Variants in ANKFN1 observed in about 807,000 individuals in gnomAD.
ANKFN1 encodes the protein ankyrin repeat and fibronectin type III domain containing 1, also known as ankyrin repeat and fibronectin type-III domain-containing protein 1.
Under a neutral mutation model 108.7 loss-of-function variants are expected in ANKFN1, and 74 were observed. That is an observed-to-expected ratio of 0.68 (90% confidence interval 0.56 to 0.83). ANKFN1 has a LOEUF of 0.83. ANKFN1 is among the 40% of genes least tolerant of loss of function. The pLI is 0.00. For synonymous variants in ANKFN1, 547 were observed against 516.2 expected (o/e 1.06, Z -0.81); for missense variants, 1,505 against 1,382.3 (o/e 1.09, Z -1.41).
At chr17:56,387,399 T>C (rs1158315069) in intron 8 of ANKFN1, among the ~76,000 whole-genome samples, 3 of 152,232 alleles carry the variant, frequency 2.0e-5, no homozygotes, top group African/African-American at 7.2e-5. Flanking sequence ...TTCACTTCCA[T>C]GTTAATCCAA....
At chr17:56,168,710 A>C (rs958552806) in intron 1 of ANKFN1, among the ~76,000 whole-genome samples, 4 of 152,184 alleles carry the variant, frequency 2.6e-5, no homozygotes, top group African/African-American at 9.7e-5. Context: ...TTTAGAATTC[A>C]CACAACTTAT....
chr17:56,260,832 G>T (rs2043491992), intron 3 of ANKFN1, among the ~76,000 whole-genome samples: 1 of 152,158 alleles, frequency 6.6e-6, no homozygotes, highest in Admixed American at 6.5e-5. Flanking sequence ...GATGTCACCT[G>T]CTTAGTGCCT....
At chr17:56,497,546 A>G (rs1011050459) in intron 19 of ANKFN1, among the ~76,000 whole-genome samples, 1 of 152,130 alleles carries the variant, frequency 6.6e-6, no homozygotes, top group African/African-American at 2.4e-5. Context: ...GGATATTCTT[A>G]ATGAGTAGGT....
At chr17:56,431,267 A>G (rs1288305994) in intron 8 of ANKFN1, among the ~76,000 whole-genome samples, 1 of 152,214 alleles carries the variant, frequency 6.6e-6, no homozygotes, top group African/African-American at 2.4e-5. Context: ...TTACTAAATT[A>G]CTGACCTAGC....
At chr17:56,317,022 G>A (rs1015737449) in intron 3 of ANKFN1, among the ~76,000 whole-genome samples, 2 of 152,190 alleles carry the variant, frequency 1.3e-5, no homozygotes, top group Admixed American at 6.5e-5. Flanking sequence ...TCTCTGGAAA[G>A]AGAGATCACA....
intron 4 of ANKFN1, among the ~76,000 whole-genome samples, chr17:56,104,659 G>T (rs1439274364): frequency 1.3e-5 from 2 of 152,178 alleles, no homozygotes; most frequent in African/African-American, 2.4e-5. Context: ...CAGGTGATTT[G>T]CATGACAAAT....
intron 4 of ANKFN1, among the ~76,000 whole-genome samples, chr17:56,349,584 A>G (rs894301009): frequency 6.6e-6 from 1 of 152,070 alleles, no homozygotes; most frequent in African/African-American, 2.4e-5. Flanking sequence ...GCACTCATTT[A>G]TTCTAAATTA....
intron 4 of ANKFN1, among the ~76,000 whole-genome samples, chr17:56,053,592 G>T (rs1904815444): frequency 6.6e-6 from 1 of 152,128 alleles, no homozygotes; most frequent in African/African-American, 2.4e-5. Context: ...CTTGGCTATT[G>T]TGAACAGAGC....
chr17:56,499,049 T>G lies in ANKFN1; in HGVS notation c.2595T>G (p.Leu865=). 1 of 1,535,634 alleles carries G rather than the reference T, an allele frequency of 6.5e-7. No homozygotes were observed. The highest frequency in any genetic ancestry group is 1.2e-5 in the South Asian group (1 of 84,040). Residue 865 remains leucine (L), a synonymous_variant, in exon 20 of 21, where the codon CTT becomes CTG. Transcript: ENST00000682825. ...NSTSSSHIDC[L]PSPPPSPEMH... ...CATCATCATCACATATAGACTGTCT[T>G]CCATCCCCACCCCCATCCCCAGAGA...
intron 8 of ANKFN1, among the ~76,000 whole-genome samples, chr17:56,388,318 G>A (rs981784855): frequency 6.6e-6 from 1 of 151,794 alleles, no homozygotes; most frequent in African/African-American, 2.4e-5. Context: ...CAGCTAATGA[G>A]ACGGGGTTTC....
Position 56,227,971 on chromosome 17 carries a change from CT to C in ANKFN1, c.53+15del. 6.2e-7 allele frequency: 1 copy of C among 1,600,634 alleles called. No homozygotes were observed. The highest frequency in any genetic ancestry group is 8.5e-7 in the Non-Finnish European group (1 of 1,172,638). On this transcript the variant is annotated intron_variant, in intron 3 of 20. Coordinates refer to ENST00000682825, the MANE Select transcript of ANKFN1 (RefSeq NM_001370326.1). ...TTGCAGCAAAATGTAAGTACATTTC[CT>C]CCTTGAAATGGTATCTACTTCTCAG...
chr17:56,359,753 G>A (rs1055962914), intron 6 of ANKFN1, among the ~76,000 whole-genome samples: 8 of 152,142 alleles, frequency 5.3e-5, no homozygotes, highest in Admixed American at 1.3e-4. Context: ...TGTCTAAGAG[G>A]TGTGACTATA....
At chr17:56,258,125 T>C (rs950062222) in intron 3 of ANKFN1, 1 of 152,240 alleles carries the variant, frequency 6.6e-6, no homozygotes, top group Non-Finnish European at 1.5e-5. Context: ...CTTCTTTCCA[T>C]GTTCACTTGC....
chr17:56,444,381 G>A (rs571585742), intron 10 of ANKFN1, among the ~76,000 whole-genome samples: 1 of 152,224 alleles, frequency 6.6e-6, no homozygotes, highest in East Asian at 1.9e-4. Context: ...GGACATTTGG[G>A]TTATGAGATT....
chr17:56,416,569 G>A (rs2145025841), intron 8 of ANKFN1, among the ~76,000 whole-genome samples: 1 of 152,282 alleles, frequency 6.6e-6, no homozygotes, highest in South Asian at 2.1e-4. Flanking sequence ...ATGCTGGTGA[G>A]GATGTGGAGA....
At chr17:56,196,636 G>A (rs1189170322) in intron 1 of ANKFN1, among the ~76,000 whole-genome samples, 1 of 152,136 alleles carries the variant, frequency 6.6e-6, no homozygotes, top group Admixed American at 6.5e-5. Flanking sequence ...GGCTACTCAG[G>A]AGGCTGAGGT....
chr17:56,443,089 A>T (rs1364257910), intron 10 of ANKFN1, among the ~76,000 whole-genome samples, 156 bp downstream of exon 10: 5 of 152,210 alleles, frequency 3.3e-5, no homozygotes, highest in Non-Finnish European at 7.4e-5. Flanking sequence ...ATTCCCCTGC[A>T]GAAATGCTCC....
At chr17:56,355,409 A>G (rs2046349712) in intron 6 of ANKFN1, among the ~76,000 whole-genome samples, 1 of 152,150 alleles carries the variant, frequency 6.6e-6, no homozygotes, top group Non-Finnish European at 1.5e-5. Context: ...AGGCATGAAT[A>G]AGACTGACAT....
intron 4 of ANKFN1, among the ~76,000 whole-genome samples, chr17:56,136,177 A>G (rs1415990230): frequency 6.6e-6 from 1 of 152,184 alleles, no homozygotes; most frequent in African/African-American, 2.4e-5. Flanking sequence ...GGTATGTGGC[A>G]ATATAACAGA....
Sources: allele counts gnomAD v4.1 joint callset (sites outside exome capture counted in the v4.1 genomes callset), GRCh38; gene constraint gnomAD v4.1.1; transcripts MANE v1.5; gene names NCBI Gene and HGNC (gene_info 2026-07-23, HGNC 2026-07-21).